ZCCHC24: variants seen among roughly 807,000 people sequenced by gnomAD.
ZCCHC24 encodes zinc finger CCHC domain-containing protein 24.
A neutral mutation model predicts 26.2 loss-of-function variants in ZCCHC24; 10 were observed. The observed-to-expected ratio is 0.38, with a 90% CI of 0.24 to 0.65. The LOEUF (loss-of-function observed/expected upper bound fraction) is 0.65. Ranked by LOEUF, ZCCHC24 falls within the 30% of genes least tolerant of loss-of-function variation. The probability of loss-of-function intolerance (pLI) is 0.54; values close to 1 mark genes in which losing one functional copy is unlikely to be tolerated. For synonymous variants in ZCCHC24, 144 were observed against 147.1 expected (o/e 0.98, Z 0.15); for missense variants, 243 against 329.1 (o/e 0.74, Z 2.03).
intron 2 of ZCCHC24, among the ~76,000 whole-genome samples, chr10:79,427,659 A>G (rs1353647125): frequency 6.6e-6 from 1 of 152,200 alleles, no homozygotes; most frequent in East Asian, 1.9e-4. Flanking sequence ...ATAAGATACA[A>G]TATACCAAAA....
At chr10:79,414,227 TA>T (rs1358642041) in intron 2 of ZCCHC24, among the ~76,000 whole-genome samples, 3 of 152,260 alleles carry the variant, frequency 2.0e-5, no homozygotes, top group Admixed American at 2.0e-4. Context: ...TTTAGAATTT[TA>T]AAAAATATTA....
chr10:79,426,894 G>GGGA (rs2132211561), intron 2 of ZCCHC24, among the ~76,000 whole-genome samples: 1 of 152,184 alleles, frequency 6.6e-6, no homozygotes, highest in East Asian at 1.9e-4. Context: ...AAAAGGCAAG[G>GGGA]ATTTTCAGAT....
intron 2 of ZCCHC24, among the ~76,000 whole-genome samples, chr10:79,398,953 C>T (rs1358775003): frequency 6.6e-6 from 1 of 152,158 alleles, no homozygotes; most frequent in Admixed American, 6.5e-5. Flanking sequence ...CAGGCTCTTC[C>T]ACAAGGCCAC....
chr10:79,403,004 A>G (rs1856657874), intron 2 of ZCCHC24, among the ~76,000 whole-genome samples: 1 of 152,226 alleles, frequency 6.6e-6, no homozygotes. Context: ...AACAAGACAG[A>G]TGAAGAATGC....
intron 1 of ZCCHC24, among the ~76,000 whole-genome samples, chr10:79,439,767 C>A (rs1338532012): frequency 6.9e-6 from 1 of 144,180 alleles, no homozygotes; most frequent in Admixed American, 7.0e-5. Context: ...TGCACTCCAA[C>A]CTAGGTGACA....
intron 3 of ZCCHC24, among the ~76,000 whole-genome samples, chr10:79,391,844 G>T (rs1423328828): frequency 1.3e-5 from 2 of 151,154 alleles, no homozygotes; most frequent in African/African-American, 4.9e-5. Context: ...CCTTTGCGGT[G>T]ACTCAGTACA....
At chr10:79,411,829 C>T (rs1856798171) in intron 2 of ZCCHC24, among the ~76,000 whole-genome samples, 1 of 152,058 alleles carries the variant, frequency 6.6e-6, no homozygotes, top group Non-Finnish European at 1.5e-5. Flanking sequence ...ATGCTCAGCC[C>T]CAGGACCCTG....
intron 2 of ZCCHC24, among the ~76,000 whole-genome samples, chr10:79,412,950 G>A (rs1005947668): frequency 6.6e-6 from 1 of 152,174 alleles, no homozygotes; most frequent in Admixed American, 6.5e-5. Flanking sequence ...ACCATTTTCT[G>A]GACATCTGCC....
intron 1 of ZCCHC24, among the ~76,000 whole-genome samples, chr10:79,442,014 A>G (rs917042266): frequency 2.0e-5 from 3 of 152,216 alleles, no homozygotes; most frequent in Non-Finnish European, 4.4e-5. Flanking sequence ...TTTAAGTTCC[A>G]AACAAGACTT....
At chr10:79,427,007 C>T (rs532594576) in intron 2 of ZCCHC24, among the ~76,000 whole-genome samples, 1 of 151,830 alleles carries the variant, frequency 6.6e-6, no homozygotes, top group Non-Finnish European at 1.5e-5. Context: ...AAATATCTGT[C>T]ATGTAATCTG....
intron 3 of ZCCHC24, among the ~76,000 whole-genome samples, chr10:79,393,487 C>T (rs1205668216): frequency 6.6e-6 from 1 of 152,194 alleles, no homozygotes; most frequent in African/African-American, 2.4e-5. Flanking sequence ...GCTCCAGAGC[C>T]ACCTCCAGAG....
chr10:79,444,500 G>C (rs571010983), intron 1 of ZCCHC24, among the ~76,000 whole-genome samples: 1 of 151,202 alleles, frequency 6.6e-6, no homozygotes, highest in South Asian at 2.1e-4. Context: ...CCCCTCCCAA[G>C]AGCTCAAGAG....
intron 2 of ZCCHC24, among the ~76,000 whole-genome samples, chr10:79,413,307 G>GAGTGGCGGGTC (rs1382896883): frequency 6.6e-6 from 1 of 152,240 alleles, no homozygotes; most frequent in African/African-American, 2.4e-5. Flanking sequence ...CACAGTGAGT[G>GAGTGGCGGGTC]AGTGGCGGGA....
At chr10:79,389,527 C>CGTGTG (rs1336407176) in intron 3 of ZCCHC24, among the ~76,000 whole-genome samples, 1 of 85,258 alleles carries the variant, frequency 1.2e-5, no homozygotes, top group Non-Finnish European at 2.3e-5. Context: ...TGACTTTTTC[C>CGTGTG]TAGTGTGTGT....
chr10:79,426,673 T>G (rs926702558), intron 2 of ZCCHC24, among the ~76,000 whole-genome samples: 4 of 151,706 alleles, frequency 2.6e-5, no homozygotes, highest in African/African-American at 9.7e-5. Flanking sequence ...AAAAAATAAC[T>G]CACAAAACAT....
At chr10:79,407,946 C>T (rs2132191690) in intron 2 of ZCCHC24, among the ~76,000 whole-genome samples, 1 of 152,296 alleles carries the variant, frequency 6.6e-6, no homozygotes, top group South Asian at 2.1e-4. Context: ...GGCCCAGCCC[C>T]AAACCTGTGA....
At chr10:79,401,271 C>T (rs1856628843) in intron 2 of ZCCHC24, among the ~76,000 whole-genome samples, 1 of 152,234 alleles carries the variant, frequency 6.6e-6, no homozygotes, top group Non-Finnish European at 1.5e-5. Flanking sequence ...CACAGGGGCG[C>T]AGGCCTGTGC....
intron 1 of ZCCHC24, chr10:79,444,345 G>C: frequency 7.9e-7 from 1 of 1,264,204 alleles, no homozygotes; most frequent in Non-Finnish European, 1.0e-6. Flanking sequence ...GTGGCGATCT[G>C]TGTATTTATC....
Position 79,399,007 on chromosome 10 carries a change from A to G in ZCCHC24, c.448-4567T>C, listed in dbSNP as rs189346013. Among the ~76,000 whole-genome samples, 47 of 150,848 alleles carry G rather than the reference A, an allele frequency of 3.1e-4. No homozygotes were observed. The East Asian group carries it at 9.1e-3, about 29-fold the overall frequency. ...GTCTGCCACCCCCAAAATTGCCCCC[A>G]CCATGATGGAGGCTTGTGTTGGTGG... On this transcript the variant is annotated intron_variant, in intron 2 of 3. Transcript: ENST00000372336.
Sources: gnomAD v4.1 joint callset for allele counts (sites outside exome capture counted in the v4.1 genomes callset) on GRCh38, gnomAD v4.1.1 for gene constraint, MANE v1.5 for transcripts, NCBI Gene and HGNC (gene_info 2026-07-23, HGNC 2026-07-21) for gene names.